SURF6: variants seen among roughly 807,000 people sequenced by gnomAD.
SURF6 encodes the protein surfeit 6.
Under a neutral mutation model 37.5 loss-of-function variants are expected in SURF6, and 28 were observed. The observed-to-expected ratio is 0.75, with a 90% CI of 0.55 to 1.02. SURF6 has a LOEUF of 1.02. SURF6 is among the 50% of genes least tolerant of loss of function. The probability of loss-of-function intolerance (pLI) is 0.00; values close to 1 mark genes in which losing one functional copy is unlikely to be tolerated. For missense variants in SURF6, 560 were observed against 490.5 expected (o/e 1.14, Z -1.34); for synonymous variants, 248 against 210.9 (o/e 1.18, Z -1.52).
At position 133,332,251 on chromosome 9, in the gene SURF6, T is replaced by C; in HGVS notation, c.704A>G (p.Asn235Ser). 1 of 1,604,358 alleles carries C rather than the reference T, an allele frequency of 6.2e-7. No individual in the cohort carries two copies. The highest frequency in any genetic ancestry group is 8.5e-7 in the Non-Finnish European group (1 of 1,179,666). The change falls in exon 5 of 5, where the codon AAC becomes AGC. Residue 235 changes from asparagine to serine, a missense_variant. Transcript: ENST00000372022. ...KGNLTPLTGR[N>S]YRQLLERLQA... ...CAGGCGCTCCAGCAGCTGCCGGTAGTTCCTCCCGGTCAGCGGCGTGAGGTT... is the reference window on the plus strand; with the variant it reads ...CAGGCGCTCCAGCAGCTGCCGGTAGCTCCTCCCGGTCAGCGGCGTGAGGTT...
Position 133,333,711 on chromosome 9 carries a change from CGCCT to C in SURF6, c.393+3_393+6del. On this transcript the variant is annotated splice_donor_5th_base_variant and intron_variant, in intron 3 of 4. Transcript: ENST00000372022. ...GTGACGGCACTCCAGCAAACCTGCC[CGCCT>C]ACCTGGCCCCGGGCCTCCTGGATCT... 6.2e-7 allele frequency: 1 copy of C among 1,613,356 alleles called. No homozygotes were observed. Among genetic ancestry groups the C allele is most frequent in the Non-Finnish European group, 8.5e-7 (1 of 1,179,696 alleles).
At chr9:133,332,455 G>T in intron 4 of SURF6, 93 bp downstream of exon 4, 1 of 1,544,136 alleles carries the variant, frequency 6.5e-7, no homozygotes, top group Non-Finnish European at 8.7e-7. Flanking sequence ...TTACAGACAT[G>T]ATGGGGTTCG....
Position 133,329,589 on chromosome 9 carries a change from C to G in SURF6, c.*2280G>C, listed in dbSNP as rs1331307755. 1 of 158,116 alleles carries G rather than the reference C, an allele frequency of 6.3e-6. No homozygotes were observed. Among genetic ancestry groups the G allele is most frequent in the Non-Finnish European group, 1.4e-5 (1 of 71,806 alleles). The allele number at this position is 158,116 out of a possible 1,614,324, so 9.8% of individuals were successfully genotyped here. ...TCGCACTCTTGTCTTCTGGTCACACCTATGTCCCCTCAGCTCCTATCTCTG... is the reference window on the plus strand; with the variant it reads ...TCGCACTCTTGTCTTCTGGTCACACGTATGTCCCCTCAGCTCCTATCTCTG... On this transcript the variant is annotated 3_prime_UTR_variant, in exon 5 of 5. Transcript: ENST00000372022.
rs2129902127 is a variant in SURF6, at chr9:133,329,326, G to A, written c.*2543C>T. On this transcript the variant is annotated 3_prime_UTR_variant, in exon 5 of 5. Transcript: ENST00000372022. ...ACGGTTAGGCCTCCAGATAACTGCGGGCAGGCCTGCCGGATGTCAGGCCCT... is the reference window on the plus strand; with the variant it reads ...ACGGTTAGGCCTCCAGATAACTGCGAGCAGGCCTGCCGGATGTCAGGCCCT... 1.7e-5 allele frequency: 3 copies of A among 180,344 alleles called. No homozygotes were observed. The highest frequency in any genetic ancestry group is 3.3e-4 in the East Asian group (2 of 5,974). 11.2% of individuals were successfully genotyped at this position (180,344 alleles called of 1,614,324 possible).
chr9:133,334,368 C>G (rs2129926819), intron 2 of SURF6, 24 bp downstream of exon 2: 3 of 1,595,842 alleles, frequency 1.9e-6, no homozygotes. Context: ...CTGCACAGAA[C>G]CAACATGCCC....
At chr9:133,332,381 G>C (rs956534113) in intron 4 of SURF6, 33 bp from the exon 5 acceptor site, 7 of 1,549,484 alleles carry the variant, frequency 4.5e-6, no homozygotes, top group Non-Finnish European at 6.1e-6. Flanking sequence ...GCTCATGCCA[G>C]CCCTGCACTA....
intron 2 of SURF6, 55 bp downstream of exon 2, chr9:133,334,336 CA>C: frequency 6.6e-7 from 1 of 1,516,866 alleles, no homozygotes; most frequent in Non-Finnish European, 8.8e-7. Context: ...GGACCAAGCC[CA>C]AGCCCAGCCC....
intron 1 of SURF6, among the ~76,000 whole-genome samples, chr9:133,335,405 T>C (rs1255628959): frequency 6.6e-6 from 1 of 152,088 alleles, no homozygotes; most frequent in Non-Finnish European, 1.5e-5. Flanking sequence ...AGATTTTGGA[T>C]TTGCTATAAC....
Position 133,331,685 on chromosome 9 carries a change from ACT to A in SURF6, c.*182_*183del, listed in dbSNP as rs150029172. On this transcript the variant is annotated 3_prime_UTR_variant, in exon 5 of 5. Transcript: ENST00000372022. ...TCCTGCGTTCAAGGATGACGCTGAAACTCTCTCTTTCTCACATGGGATCTGTG... is the reference window on the plus strand; with the variant it reads ...TCCTGCGTTCAAGGATGACGCTGAAACTCTCTTTCTCACATGGGATCTGTG... The A allele has an allele frequency of 5.3e-3, 4,103 of 772,310 alleles. 139 individuals carry two copies. In the African/African-American group the frequency reaches 0.066, roughly 12 times the overall value. The allele number at this position is 772,310 out of a possible 1,614,324, so 47.8% of individuals were successfully genotyped here.
At chr9:133,332,960 A>G in intron 3 of SURF6, 200 bp from the exon 4 acceptor site, 1 of 603,066 alleles carries the variant, frequency 1.7e-6, no homozygotes, top group Non-Finnish European at 2.9e-6. Context: ...CCCCCAAATA[A>G]GAATCACAGC....
At chr9:133,333,131 T>C (rs2129922577) in intron 3 of SURF6, among the ~76,000 whole-genome samples, 3 of 152,076 alleles carry the variant, frequency 2.0e-5, no homozygotes, top group African/African-American at 4.8e-5. Context: ...GTTCACGAGG[T>C]ACCCAACGAA....
intron 2 of SURF6, 117 bp downstream of exon 2, chr9:133,334,275 C>G: frequency 1.1e-5 from 10 of 916,330 alleles, no homozygotes; most frequent in Non-Finnish European, 1.6e-5. Flanking sequence ...GGGGAAGTCT[C>G]GTGCTATCCC....
In SURF6 at chr9:133,332,600, G is replaced by T. The variant is rs1433373691; in HGVS notation, c.554C>A (p.Pro185Gln). ...CCGCGGCTCCGTGCAGGCCCCCTCTGGGGTTGCCTCCACCACCTCCTGGGC... is the reference window on the plus strand; with the variant it reads ...CCGCGGCTCCGTGCAGGCCCCCTCTTGGGTTGCCTCCACCACCTCCTGGGC... ...TEAQEVVEAT[P>Q]EGACTEPREP... Residue 185 changes from proline (P) to glutamine (Q), a missense_variant, in exon 4 of 5, where the codon CCA (proline) becomes CAA (glutamine). Physicochemically the swap from Pro to Gln is moderately conservative, Grantham distance 76 (BLOSUM62 -1). Coordinates refer to ENST00000372022, the MANE Select transcript of SURF6 (RefSeq NM_006753.6). 1.2e-6 allele frequency: 2 copies of T among 1,610,306 alleles called. No individual in the cohort carries two copies. Among genetic ancestry groups the T allele is most frequent in the East Asian group, 4.5e-5 (2 of 44,882 alleles).
chr9:133,331,740 A>G lies in SURF6; in HGVS notation c.*129T>C. ...CTGGGCCCTCACAACTCAGCAGAGC[A>G]CCACTGTGTCCCCCTCACATGGAGA... On this transcript the variant is annotated 3_prime_UTR_variant, in exon 5 of 5. Coordinates refer to ENST00000372022, the MANE Select transcript of SURF6 (RefSeq NM_006753.6). 8.0e-7 allele frequency: 1 copy of G among 1,245,152 alleles called. No homozygotes were observed. Among genetic ancestry groups the G allele is most frequent in the Non-Finnish European group, 1.0e-6 (1 of 952,512 alleles). The allele number at this position is 1,245,152 out of a possible 1,614,324, so 77.1% of individuals were successfully genotyped here.
rs1202970291 is a variant in SURF6 at position 133,332,245 on chromosome 9, C to T, written c.710G>A (p.Arg237Gln). ...TGCCTGCAGGCGCTCCAGCAGCTGC[C>T]GGTAGTTCCTCCCGGTCAGCGGCGT... The part of the protein sequence containing the change: ...NLTPLTGRNY[R>Q]QLLERLQARQ... The change falls in exon 5 of 5, where the codon CGG (arginine) becomes CAG (glutamine). Residue 237 changes from arginine (R) to glutamine (Q), a missense_variant. Transcript: ENST00000372022. 6 of 1,604,932 alleles carry T rather than the reference C, an allele frequency of 3.7e-6. No homozygotes were observed. The African/African-American group carries it at 5.3e-5, about 14-fold the overall frequency.
intron 1 of SURF6, 39 bp from the exon 2 acceptor site, chr9:133,334,640 A>C: frequency 2.5e-6 from 4 of 1,595,630 alleles, no homozygotes; most frequent in Non-Finnish European, 1.7e-6. Context: ...TCCCAATCTC[A>C]TGGCCCATTC....
In SURF6 at chr9:133,331,757, A is replaced by C; in HGVS notation, c.*112T>G. The C allele has an allele frequency of 1.5e-6, 2 of 1,375,380 alleles. No homozygotes were observed. Among genetic ancestry groups the C allele is most frequent in the South Asian group, 3.3e-5 (2 of 61,228 alleles). The allele number at this position is 1,375,380 out of a possible 1,614,324, so 85.2% of individuals were successfully genotyped here. ...AGCAGAGCACCACTGTGTCCCCCTC[A>C]CATGGAGAGGCCGAGGTCTGTGGAG... On this transcript the variant is annotated 3_prime_UTR_variant, in exon 5 of 5. Coordinates refer to ENST00000372022, the MANE Select transcript of SURF6 (RefSeq NM_006753.6).
In SURF6 at chr9:133,333,496, G is replaced by A. The variant is rs2129923661; in HGVS notation, c.393+222C>T. On this transcript the variant is annotated intron_variant, in intron 3 of 4. Coordinates refer to ENST00000372022, the MANE Select transcript of SURF6 (RefSeq NM_006753.6). ...ACAGACACAGGAGGTGCCCATCCCA[G>A]TGTCAGTTCAGCAAAGGCAGCTTCC... Among the ~76,000 whole-genome samples, 3 of 152,342 alleles carry A rather than the reference G, an allele frequency of 2.0e-5. No individual in the cohort carries two copies. In the East Asian group the frequency reaches 5.8e-4, roughly 29 times the overall value.
chr9:133,331,824 T>C lies in SURF6; in HGVS notation c.*45A>G. On this transcript the variant is annotated 3_prime_UTR_variant, in exon 5 of 5. Coordinates refer to ENST00000372022, the MANE Select transcript of SURF6 (RefSeq NM_006753.6). ...AGCGTCAAGGACTCAGAGGGTGTCC[T>C]GGAGTCTCCTAGGACGGAAGACGGC... is the stretch of plus-strand genomic sequence containing the variant. 1.3e-6 allele frequency: 2 copies of C among 1,488,710 alleles called. No individual in the cohort carries two copies. Among genetic ancestry groups the C allele is most frequent in the Non-Finnish European group, 1.8e-6 (2 of 1,129,454 alleles). The allele number at this position is 1,488,710 out of a possible 1,614,324, so 92.2% of individuals were successfully genotyped here. A position where few individuals can be genotyped will look rare whatever the true frequency, so the allele number is the denominator to read the frequency against.
Sources: allele counts gnomAD v4.1 joint callset (sites outside exome capture counted in the v4.1 genomes callset), GRCh38; gene constraint gnomAD v4.1.1; transcripts MANE v1.5; gene names NCBI Gene and HGNC (gene_info 2026-07-23, HGNC 2026-07-21).